CHD6: variants seen among roughly 807,000 people sequenced by gnomAD.
The protein encoded by CHD6 is ATP-dependent chromatin remodeler CHD6.
A neutral mutation model predicts 276.9 loss-of-function variants in CHD6; 50 were observed. That is an observed-to-expected ratio of 0.18 (90% CI 0.14 to 0.23). The LOEUF is 0.23. CHD6 is among the 10% of genes least tolerant of loss of function. The pLI, the probability that CHD6 is intolerant of heterozygous loss-of-function variation, is 1.00. For missense variants in CHD6, 2,564 were observed against 3,365.8 expected (o/e 0.76, Z 5.89); for synonymous variants, 1,173 against 1,229.3 (o/e 0.95, Z 0.96).
intron 3 of CHD6, among the ~76,000 whole-genome samples, chr20:41,529,531 C>G (rs138802055): frequency 2.4e-4 from 36 of 152,202 alleles, no homozygotes; most frequent in Middle Eastern, 3.4e-3. Context: ...TTTGGGGAAA[C>G]TCTGATATAT....
intron 14 of CHD6, among the ~76,000 whole-genome samples, chr20:41,485,417 G>T (rs777719075): frequency 1.9e-4 from 29 of 152,148 alleles, no homozygotes; most frequent in Non-Finnish European, 4.1e-4. Flanking sequence ...AAGTGCAAAA[G>T]AAATCACGTT....
chr20:41,406,270 T>C (rs2145361058), intron 36 of CHD6, among the ~76,000 whole-genome samples: 2 of 152,302 alleles, frequency 1.3e-5, no homozygotes, highest in South Asian at 4.1e-4. Flanking sequence ...ATCTATTTTT[T>C]CTCTATTTGG....
At chr20:41,480,651 C>G (rs1037244821) in intron 16 of CHD6, among the ~76,000 whole-genome samples, 3 of 151,924 alleles carry the variant, frequency 2.0e-5, no homozygotes, top group African/African-American at 7.3e-5. Context: ...CGGATAATAC[C>G]TACAACTGAA....
intron 27 of CHD6, among the ~76,000 whole-genome samples, chr20:41,432,126 C>T (rs1014764935): frequency 2.1e-5 from 3 of 139,964 alleles, no homozygotes; most frequent in Non-Finnish European, 4.5e-5. Flanking sequence ...TGCCATTGCA[C>T]TCCAACCTGG....
chr20:41,548,781 T>C (rs1025781508), intron 2 of CHD6, among the ~76,000 whole-genome samples: 12 of 150,982 alleles, frequency 7.9e-5, no homozygotes, highest in Admixed American at 7.9e-4. Flanking sequence ...CTACATGAAC[T>C]CAAACAAATT....
At chr20:41,405,580 C>A (rs2046652051) in intron 36 of CHD6, 91 bp from the exon 37 acceptor site, 1 of 1,000,548 alleles carries the variant, frequency 1.0e-6, no homozygotes, top group Non-Finnish European at 1.5e-6. Flanking sequence ...ACTGGCCTGG[C>A]CTGTCTCCAG....
intron 17 of CHD6, chr20:41,462,048 C>G (rs917118985): frequency 6.6e-6 from 1 of 152,130 alleles, no homozygotes; most frequent in African/African-American, 2.4e-5. Flanking sequence ...ATCTGGATAC[C>G]CTAGAGGTGG....
At chr20:41,440,903 G>C (rs2047881350) in intron 25 of CHD6, among the ~76,000 whole-genome samples, 1 of 152,174 alleles carries the variant, frequency 6.6e-6, no homozygotes, top group African/African-American at 2.4e-5. Flanking sequence ...TGGCTCTTAG[G>C]AACAAACCTG....
intron 1 of CHD6, among the ~76,000 whole-genome samples, chr20:41,572,637 A>T (rs1382428985): frequency 6.6e-6 from 1 of 152,142 alleles, no homozygotes; most frequent in Non-Finnish European, 1.5e-5. Context: ...CCTTGTAGCC[A>T]CAGCGGCACC....
chr20:41,520,512 T>C (rs372858908), intron 3 of CHD6, among the ~76,000 whole-genome samples: 4 of 151,926 alleles, frequency 2.6e-5, no homozygotes, highest in South Asian at 4.2e-4. Flanking sequence ...GAGTTCATGT[T>C]CTTTGTAGGG....
At chr20:41,549,545 A>G (rs1306142759) in intron 2 of CHD6, among the ~76,000 whole-genome samples, 1 of 145,240 alleles carries the variant, frequency 6.9e-6, no homozygotes, top group Non-Finnish European at 1.5e-5. Context: ...CTAATGCTAA[A>G]TGATGAGTTA....
chr20:41,526,947 A>G (rs2044553650), intron 3 of CHD6, among the ~76,000 whole-genome samples: 1 of 152,224 alleles, frequency 6.6e-6, no homozygotes, highest in South Asian at 2.1e-4. Flanking sequence ...CAAGCTGTCC[A>G]GGTAGTTCCC....
intron 10 of CHD6, 22 bp downstream of exon 10, chr20:41,493,514 CAG>C (rs761557391): frequency 6.2e-7 from 1 of 1,610,808 alleles, no homozygotes; most frequent in South Asian, 1.1e-5. Flanking sequence ...CGAGAAGTGC[CAG>C]AGAGAGACAA....
chr20:41,462,163 CA>C (rs1230183750), intron 17 of CHD6, among the ~76,000 whole-genome samples: 7 of 152,118 alleles, frequency 4.6e-5, no homozygotes, highest in Non-Finnish European at 1.0e-4. Context: ...ATATATAAGA[CA>C]AAATACATCA....
At chr20:41,503,226 G>A (rs941810890) in intron 5 of CHD6, among the ~76,000 whole-genome samples, 13 of 152,026 alleles carry the variant, frequency 8.6e-5, no homozygotes, top group Non-Finnish European at 1.2e-4. Flanking sequence ...TAAAAAATAC[G>A]TATTTGCATA....
chr20:41,577,365 T>G (rs900933468), intron 1 of CHD6, among the ~76,000 whole-genome samples: 3 of 152,210 alleles, frequency 2.0e-5, no homozygotes, highest in Non-Finnish European at 4.4e-5. Flanking sequence ...TCAGTGCAAA[T>G]AGAGTCCAAA....
At chr20:41,554,900 C>A (rs1320639154) in intron 1 of CHD6, among the ~76,000 whole-genome samples, 1 of 152,198 alleles carries the variant, frequency 6.6e-6, no homozygotes, top group African/African-American at 2.4e-5. Context: ...GTTGGGTACA[C>A]CTCCCAGACG....
chr20:41,437,114 T>G, intron 27 of CHD6, 160 bp downstream of exon 27: 3 of 579,608 alleles, frequency 5.2e-6, no homozygotes. Flanking sequence ...AAAAATGCAA[T>G]TGCAGTCTGT....
At position 41,526,122 on chromosome 20, in the gene CHD6, C is replaced by G. The variant is rs1210424018; in HGVS notation, c.554+6928G>C. ...GGTAAAGGTCTACTATGCACCAGGC[C>G]ACAGAGTAAGCACTTCTGATGCTCT... On this transcript the variant is annotated intron_variant, in intron 3 of 36. Transcript: ENST00000373233. 3.3e-5 allele frequency among the ~76,000 whole-genome samples: 5 copies of G among 151,862 alleles called. No homozygotes were observed. The East Asian group carries it at 9.7e-4, about 29-fold the overall frequency.
Sources: gnomAD v4.1 joint callset for allele counts (sites outside exome capture counted in the v4.1 genomes callset) on GRCh38, gnomAD v4.1.1 for gene constraint, MANE v1.5 for transcripts, NCBI Gene and HGNC (gene_info 2026-07-23, HGNC 2026-07-21) for gene names.